The following DYNC2H1 variants were observed in gnomAD, a reference collection of about 807,000 sequenced individuals.
DYNC2H1 encodes cytoplasmic dynein 2 heavy chain 1.
DYNC2H1 carries 410 observed loss-of-function variants against 570.0 expected under a neutral mutation model. The ratio of observed to expected loss-of-function variants is 0.72; its 90% confidence interval spans 0.66 to 0.78. The LOEUF (loss-of-function observed/expected upper bound fraction) is 0.78, where lower values mean the gene tolerates loss of function less well. Among genes scored for constraint, DYNC2H1 ranks in the 30% least tolerant of loss-of-function variants. The probability of loss-of-function intolerance (pLI) is 0.00; values close to 1 mark genes in which losing one functional copy is unlikely to be tolerated. For synonymous variants in DYNC2H1, 1,688 were observed against 1,677.6 expected, an observed-to-expected ratio of 1.01 and a Z score of -0.15; for missense variants, 4,865 against 5,046.4, an observed-to-expected ratio of 0.96 and a Z score of 1.09.
intron 70 of DYNC2H1, among the ~76,000 whole-genome samples, chr11:103,271,495 A>G (rs1865707916): frequency 6.6e-6 from 1 of 152,216 alleles, no homozygotes; most frequent in Admixed American, 6.5e-5. Flanking sequence ...AACATATTTG[A>G]AAGCAATAAA....
At chr11:103,301,620 G>T (rs1332138703) in intron 75 of DYNC2H1, among the ~76,000 whole-genome samples, 1 of 151,820 alleles carries the variant, frequency 6.6e-6, no homozygotes, top group Non-Finnish European at 1.5e-5. Context: ...ATTTTAAGTG[G>T]CTCTTGGAGT....
chr11:103,377,969 C>T (rs139137652), intron 83 of DYNC2H1, among the ~76,000 whole-genome samples: 155 of 152,330 alleles, frequency 1.0e-3, no homozygotes, highest in African/African-American at 3.6e-3. Flanking sequence ...CTCCTGGCCT[C>T]ATGTGATTCC....
At chr11:103,178,396 A>G (rs1409832191) in intron 38 of DYNC2H1, among the ~76,000 whole-genome samples, 1 of 152,092 alleles carries the variant, frequency 6.6e-6, no homozygotes, top group Non-Finnish European at 1.5e-5. Flanking sequence ...TTTTCAATGT[A>G]GTCTTTTCTT....
At chr11:103,235,879 A>G (rs1199942753) in intron 62 of DYNC2H1, 66 bp downstream of exon 62, 7 of 1,580,268 alleles carry the variant, frequency 4.4e-6, no homozygotes, top group East Asian at 2.3e-5. Flanking sequence ...TAAAATTTCA[A>G]TATACTAAAA....
chr11:103,229,764 C>G (rs776214606), intron 59 of DYNC2H1, among the ~76,000 whole-genome samples: 2 of 152,112 alleles, frequency 1.3e-5, no homozygotes, highest in South Asian at 4.1e-4. Flanking sequence ...TAGAACACAT[C>G]TTCCATGGTA....
intron 75 of DYNC2H1, among the ~76,000 whole-genome samples, chr11:103,294,944 C>T (rs1366173712): frequency 6.6e-6 from 1 of 152,194 alleles, no homozygotes; most frequent in African/African-American, 2.4e-5. Context: ...CCTCTGTACT[C>T]TTCTCTTGCC....
intron 20 of DYNC2H1, 137 bp downstream of exon 20, chr11:103,148,754 G>A: frequency 8.7e-7 from 1 of 1,149,888 alleles, no homozygotes; most frequent in Non-Finnish European, 1.2e-6. Context: ...TGGCTTACCT[G>A]GTTAGCTCAT....
chr11:103,401,733 T>C (rs1039297589), intron 84 of DYNC2H1, among the ~76,000 whole-genome samples: 8 of 152,176 alleles, frequency 5.3e-5, no homozygotes, highest in Non-Finnish European at 1.0e-4. Flanking sequence ...ATCATTAAAG[T>C]GCTTGGCACA....
chr11:103,322,767 T>C (rs1357304141), intron 81 of DYNC2H1, among the ~76,000 whole-genome samples: 1 of 152,210 alleles, frequency 6.6e-6, no homozygotes, highest in Non-Finnish European at 1.5e-5. Flanking sequence ...GGATGACTTA[T>C]GACAATCACT....
chr11:103,426,003 C>A (rs1198858213), intron 84 of DYNC2H1, among the ~76,000 whole-genome samples: 1 of 152,120 alleles, frequency 6.6e-6, no homozygotes, highest in Admixed American at 6.6e-5. Flanking sequence ...GATGCCCACG[C>A]TGAAGGTTGT....
intron 75 of DYNC2H1, among the ~76,000 whole-genome samples, chr11:103,291,037 G>A (rs1866574277): frequency 6.6e-6 from 1 of 152,202 alleles, no homozygotes. Flanking sequence ...TACCAGAAGT[G>A]AAGGAGGGGA....
intron 80 of DYNC2H1, 83 bp from the exon 81 acceptor site, chr11:103,320,946 T>G (rs1315761906): frequency 3.0e-6 from 3 of 1,014,550 alleles, no homozygotes; most frequent in Non-Finnish European, 2.9e-6. Flanking sequence ...TACATTTGGC[T>G]ACATGTTATA....
chr11:103,133,640 A>G lies in DYNC2H1; in HGVS notation c.2039A>G (p.Asn680Ser), dbSNP rs1339681466. The G allele has an allele frequency of 3.1e-6, 5 of 1,613,350 alleles. No homozygotes were observed. The African/African-American group carries it at 5.3e-5, about 17-fold the overall frequency. The change falls in exon 14 of 89, where the codon AAT becomes AGT. Residue 680 changes from asparagine (N) to serine (S), a missense_variant. Asn to Ser is a conservative substitution (Grantham distance 46). Coordinates refer to ENST00000375735, the MANE Select transcript of DYNC2H1 (RefSeq NM_001377.3). This position sits in a 1 kb window ranked among gnomAD's most constrained non-coding sequence, Gnocchi z 4.8. ...ELEGYIQKLQ[N>S]AAERLATENR... ...GAAGGCTATATCCAAAAACTCCAAA[A>G]TGCTGCTGAACGGCTTGCCACTGAA...
rs148775256 is a variant in DYNC2H1 at position 103,446,596 on chromosome 11, G to C, written c.12457-8590G>C. 0.011 allele frequency among the ~76,000 whole-genome samples: 1,635 copies of C among 152,258 alleles called. 18 individuals carry two copies. Among genetic ancestry groups the C allele is most frequent in the Non-Finnish European group, 0.015 (1,052 of 68,004 alleles). On this transcript the variant is annotated intron_variant, in intron 85 of 88. Transcript: ENST00000375735. This position sits in a 1 kb window ranked among gnomAD's most constrained non-coding sequence, Gnocchi z 4.5. Reference sequence around the variant, plus strand: ...AGCAAATATAGACAGTTTTTTCAGGGAGTTGTGTTATGAAGTAACACAGAT... The same window carrying C: ...AGCAAATATAGACAGTTTTTTCAGGCAGTTGTGTTATGAAGTAACACAGAT...
intron 87 of DYNC2H1, among the ~76,000 whole-genome samples, chr11:103,458,868 A>G (rs1341845493): frequency 6.6e-6 from 1 of 151,866 alleles, no homozygotes; most frequent in Non-Finnish European, 1.5e-5. Flanking sequence ...ATTTTTTTCC[A>G]GTTAAAAACT....
chr11:103,159,678 T>G (rs1036073029), intron 28 of DYNC2H1, among the ~76,000 whole-genome samples: 1 of 152,274 alleles, frequency 6.6e-6, no homozygotes, highest in African/African-American at 2.4e-5. Flanking sequence ...CTTAAAATAC[T>G]TAATTTACTT....
At chr11:103,416,360 G>A (rs975135859) in intron 84 of DYNC2H1, among the ~76,000 whole-genome samples, 1 of 152,056 alleles carries the variant, frequency 6.6e-6, no homozygotes, top group Non-Finnish European at 1.5e-5. Context: ...AACCAAAATA[G>A]AGCCTGTATA....
chr11:103,469,963 T>TA (rs1170369096), intron 88 of DYNC2H1, among the ~76,000 whole-genome samples: 1 of 151,960 alleles, frequency 6.6e-6, no homozygotes, highest in African/African-American at 2.4e-5. Flanking sequence ...TTAAATTATA[T>TA]AAACTGCTAA....
intron 82 of DYNC2H1, among the ~76,000 whole-genome samples, chr11:103,357,355 G>A (rs970421641): frequency 5.9e-5 from 9 of 152,062 alleles, no homozygotes; most frequent in Non-Finnish European, 1.3e-4. Flanking sequence ...TGAATTGATT[G>A]ACCCATACTT....
Sources: allele counts gnomAD v4.1 joint callset (sites outside exome capture counted in the v4.1 genomes callset), GRCh38; gene constraint gnomAD v4.1.1; non-coding constraint Gnocchi (gnomAD v3.1); transcripts MANE v1.5; gene names NCBI Gene and HGNC (gene_info 2026-07-23, HGNC 2026-07-21).